The following SLC8A1 variants were observed in gnomAD, a reference collection of about 807,000 sequenced individuals.
The protein encoded by SLC8A1 is solute carrier family 8 member A1, also known as sodium/calcium exchanger 1.
In SLC8A1, 18 loss-of-function variants were observed where a neutral mutation model predicts 68.3. The ratio of observed to expected loss-of-function variants is 0.26; its 90% confidence interval spans 0.18 to 0.39. The LOEUF (loss-of-function observed/expected upper bound fraction) is 0.39, where lower values mean the gene tolerates loss of function less well. Ranked by LOEUF, SLC8A1 falls within the 10% of genes least tolerant of loss-of-function variation. The probability of loss-of-function intolerance (pLI) is 1.00; values close to 1 mark genes in which losing one functional copy is unlikely to be tolerated. For missense variants in SLC8A1, 985 were observed against 1,156.7 expected, an observed-to-expected ratio of 0.85 and a Z score of 2.15; for synonymous variants, 475 against 415.5, an observed-to-expected ratio of 1.14 and a Z score of -1.74.
At chr2:40,443,622 T>C (rs1480585239) in intron 1 of SLC8A1, among the ~76,000 whole-genome samples, 1 of 152,194 alleles carries the variant, frequency 6.6e-6, no homozygotes, top group Non-Finnish European at 1.5e-5. Flanking sequence ...TGCAACTGCA[T>C]TTAATTGCAT....
chr2:40,457,117 C>G (rs1381383905), intron 1 of SLC8A1, among the ~76,000 whole-genome samples: 1 of 152,164 alleles, frequency 6.6e-6, no homozygotes, highest in Non-Finnish European at 1.5e-5. Context: ...GCAAATCCTG[C>G]TACAACTAAA....
intron 1 of SLC8A1, among the ~76,000 whole-genome samples, chr2:40,449,792 C>G (rs1180767607): frequency 6.6e-6 from 1 of 152,178 alleles, no homozygotes; most frequent in Non-Finnish European, 1.5e-5. Flanking sequence ...TATCATGACA[C>G]TCTTACATCC....
At chr2:40,409,560 G>T (rs1691459894) in intron 2 of SLC8A1, among the ~76,000 whole-genome samples, 1 of 152,108 alleles carries the variant, frequency 6.6e-6, no homozygotes, top group Non-Finnish European at 1.5e-5. Context: ...GTCATTCCTT[G>T]AGAATACTCT....
At chr2:40,464,040 G>A (rs943902843) in intron 1 of SLC8A1, among the ~76,000 whole-genome samples, 1 of 152,102 alleles carries the variant, frequency 6.6e-6, no homozygotes, top group South Asian at 2.1e-4. Flanking sequence ...GATTACAGGT[G>A]CATGCCACCA....
At chr2:40,355,349 C>A (rs1399857495) in intron 2 of SLC8A1, among the ~76,000 whole-genome samples, 1 of 152,120 alleles carries the variant, frequency 6.6e-6, no homozygotes, top group Admixed American at 6.6e-5. Flanking sequence ...AAGTGGGGTA[C>A]TCTAAAAGGT....
intron 2 of SLC8A1, among the ~76,000 whole-genome samples, chr2:40,270,840 A>C (rs1574953341): frequency 6.6e-6 from 1 of 152,266 alleles, no homozygotes. Context: ...AAAAGATCTA[A>C]GATAAGAAGC....
intron 1 of SLC8A1, among the ~76,000 whole-genome samples, chr2:40,479,511 C>G (rs1183437422): frequency 6.6e-6 from 1 of 152,084 alleles, no homozygotes; most frequent in Non-Finnish European, 1.5e-5. Context: ...ATTACTTTCT[C>G]TCTCAAGATA....
At chr2:40,351,585 CAAA>C (rs35996211) in intron 2 of SLC8A1, among the ~76,000 whole-genome samples, 1 of 142,348 alleles carries the variant, frequency 7.0e-6, no homozygotes. Context: ...ATGTTGCATC[CAAA>C]AAAAAAAAAA....
intron 1 of SLC8A1, among the ~76,000 whole-genome samples, chr2:40,493,708 G>A (rs1351020964): frequency 6.8e-6 from 1 of 147,234 alleles, no homozygotes; most frequent in African/African-American, 2.5e-5. Flanking sequence ...AGGCTGGAGT[G>A]CAGTGGCACG....
intron 1 of SLC8A1, among the ~76,000 whole-genome samples, chr2:40,488,482 G>T (rs1705113236): frequency 6.6e-6 from 1 of 151,954 alleles, no homozygotes; most frequent in African/African-American, 2.4e-5. Context: ...GTGCACGCAT[G>T]TGTGTATTTT....
At chr2:40,408,409 C>T (rs969250928) in intron 2 of SLC8A1, among the ~76,000 whole-genome samples, 1 of 152,114 alleles carries the variant, frequency 6.6e-6, no homozygotes, top group African/African-American at 2.4e-5. Context: ...AAACAAAGGC[C>T]AATTTGGAAG....
intron 2 of SLC8A1, among the ~76,000 whole-genome samples, chr2:40,414,028 C>T (rs1025381227): frequency 6.6e-6 from 1 of 151,976 alleles, no homozygotes; most frequent in African/African-American, 2.4e-5. Context: ...AAGAGAATAA[C>T]CTAACATTAA....
At chr2:40,431,885 T>A (rs1274991559) in intron 1 of SLC8A1, among the ~76,000 whole-genome samples, 1 of 152,022 alleles carries the variant, frequency 6.6e-6, no homozygotes, top group African/African-American at 2.4e-5. Flanking sequence ...CCCTGAGAGA[T>A]CCCACCATAG....
At chr2:40,237,407 G>A (rs1204858945) in intron 2 of SLC8A1, among the ~76,000 whole-genome samples, 1 of 152,150 alleles carries the variant, frequency 6.6e-6, no homozygotes, top group Middle Eastern at 3.4e-3. Context: ...CAGCTCCTGA[G>A]GCTTCTGCAT....
intron 2 of SLC8A1, among the ~76,000 whole-genome samples, chr2:40,183,193 T>C (rs2049975375): frequency 6.6e-6 from 1 of 152,220 alleles, no homozygotes; most frequent in South Asian, 2.1e-4. Context: ...GTGAGTCTCC[T>C]GTGACTGGCT....
intron 7 of SLC8A1, among the ~76,000 whole-genome samples, chr2:40,136,852 G>C (rs2040589437): frequency 6.6e-6 from 1 of 152,134 alleles, no homozygotes; most frequent in African/African-American, 2.4e-5. Context: ...ATATAGATAT[G>C]ATTGTCTGAG....
At chr2:40,272,401 C>T (rs1183850605) in intron 2 of SLC8A1, among the ~76,000 whole-genome samples, 6 of 152,314 alleles carry the variant, frequency 3.9e-5, no homozygotes, top group Non-Finnish European at 7.4e-5. Context: ...TACTCTCTCC[C>T]TCCTACCCTA....
chr2:40,187,190 G>A (rs1332921438), intron 2 of SLC8A1, among the ~76,000 whole-genome samples: 3 of 152,258 alleles, frequency 2.0e-5, no homozygotes, highest in Middle Eastern at 3.4e-3. Flanking sequence ...ACTCAAGAAC[G>A]CAGGGAGCAC....
intron 2 of SLC8A1, among the ~76,000 whole-genome samples, chr2:40,324,041 G>C (rs569352498): frequency 6.6e-6 from 1 of 151,502 alleles, no homozygotes; most frequent in South Asian, 2.1e-4. Flanking sequence ...GGGGGGGGCT[G>C]TTAACAATTA....
Sources: gnomAD v4.1 joint callset for allele counts (sites outside exome capture counted in the v4.1 genomes callset) on GRCh38, gnomAD v4.1.1 for gene constraint, MANE v1.5 for transcripts, NCBI Gene and HGNC (gene_info 2026-07-23, HGNC 2026-07-21) for gene names.